The following SCAP variants were observed in gnomAD, a reference collection of about 807,000 sequenced individuals.
SCAP encodes SREBF chaperone.
In SCAP, 65 loss-of-function variants were observed where a neutral mutation model predicts 123.6. The ratio of observed to expected loss-of-function variants is 0.53; its 90% CI spans 0.43 to 0.65. The LOEUF (loss-of-function observed/expected upper bound fraction) is 0.65, where lower values mean the gene tolerates loss of function less well. Among genes scored for constraint, SCAP ranks in the 30% least tolerant of loss-of-function variants. The pLI is 0.00. For synonymous variants in SCAP, 740 were observed against 726.3 expected, an observed-to-expected ratio of 1.02 and a Z score of -0.30; for missense variants, 1,398 against 1,712.5, an observed-to-expected ratio of 0.82 and a Z score of 3.24.
intron 6 of SCAP, 132 bp from the exon 7 acceptor site, chr3:47,426,301 C>T (rs1706127656): frequency 2.3e-6 from 2 of 883,780 alleles, no homozygotes; most frequent in Non-Finnish European, 3.3e-6. Context: ...CTCTATGGTG[C>T]CTGAGCTTCT....
Position 47,415,187 on chromosome 3 carries a change from GAGA to G in SCAP, c.3057-10_3057-8del. 6.2e-7 allele frequency: 1 copy of G among 1,604,728 alleles called. No individual in the cohort carries two copies. The highest frequency in any genetic ancestry group is 8.5e-7 in the Non-Finnish European group (1 of 1,177,048). ...GAGCCGTGCAGCCACAATCCTGGAA[GAGA>G]AGAACAGCTGCCAGGGGCCTCTCCC... is the stretch of plus-strand genomic sequence containing the variant. On this transcript the variant is annotated splice_polypyrimidine_tract_variant and splice_region_variant and intron_variant, in intron 18 of 22. Transcript: ENST00000265565.
At chr3:47,421,971 T>TCAGGC (rs1414012563) in intron 10 of SCAP, among the ~76,000 whole-genome samples, 2 of 152,268 alleles carry the variant, frequency 1.3e-5, no homozygotes, top group African/African-American at 4.8e-5. Context: ...CTCCCACTGG[T>TCAGGC]CAGGCCAGGC....
intron 1 of SCAP, among the ~76,000 whole-genome samples, chr3:47,456,037 T>C (rs995699007): frequency 3.3e-5 from 5 of 152,192 alleles, no homozygotes; most frequent in African/African-American, 1.2e-4. Context: ...GAAAGATTAA[T>C]TGCGCAACAA....
chr3:47,432,080 C>T (rs1199455269), intron 3 of SCAP, among the ~76,000 whole-genome samples: 4 of 151,924 alleles, frequency 2.6e-5, no homozygotes, highest in Non-Finnish European at 5.9e-5. Flanking sequence ...TTTGGGAGGC[C>T]GAGGCGGATG....
chr3:47,456,944 T>A (rs1421511460), intron 1 of SCAP, among the ~76,000 whole-genome samples: 1 of 152,106 alleles, frequency 6.6e-6, no homozygotes, highest in African/African-American at 2.4e-5. Flanking sequence ...CCCAGCACTT[T>A]GGGAGGCTGA....
intron 8 of SCAP, chr3:47,425,206 A>T: frequency 2.5e-6 from 1 of 398,290 alleles, no homozygotes; most frequent in East Asian, 4.7e-5. Context: ...ATGTATACAC[A>T]AACATACCAA....
Position 47,414,163 on chromosome 3 carries a change from A to AT in SCAP, c.3594+16dup, listed in dbSNP as rs747973512. On this transcript the variant is annotated intron_variant, in intron 22 of 22. Transcript: ENST00000265565. ...TCCCTAAAATCCCAAGAATCCTATGATCCCCATCCCCTCTACCTGCTGAAT... is the reference window on the plus strand; with the variant it reads ...TCCCTAAAATCCCAAGAATCCTATGATTCCCCATCCCCTCTACCTGCTGAAT... 3 of 1,613,572 alleles carry AT rather than the reference A, an allele frequency of 1.9e-6. No homozygotes were observed. Among genetic ancestry groups the AT allele is most frequent in the Admixed American group, 3.3e-5 (2 of 60,010 alleles).
intron 8 of SCAP, among the ~76,000 whole-genome samples, chr3:47,424,736 G>A (rs562734628): frequency 5.9e-5 from 9 of 152,314 alleles, no homozygotes; most frequent in African/African-American, 1.9e-4. Context: ...AAAGGGAGCA[G>A]GTATCTAAGA....
At chr3:47,418,617 C>G (rs113000966) in intron 14 of SCAP, 38 bp downstream of exon 14, 2 of 1,537,818 alleles carry the variant, frequency 1.3e-6, no homozygotes, top group African/African-American at 1.4e-5. Context: ...TCCCCCTCCC[C>G]GCACTCTTTC....
chr3:47,428,234 C>T (rs935253618), intron 4 of SCAP, among the ~76,000 whole-genome samples: 6 of 152,096 alleles, frequency 3.9e-5, no homozygotes, highest in Non-Finnish European at 7.4e-5. Context: ...GGCAGGAAGC[C>T]ATGTGGGTCA....
At position 47,416,650 on chromosome 3, in the gene SCAP, G is replaced by A. The variant is rs529572140; in HGVS notation, c.3056+472C>T. On this transcript the variant is annotated intron_variant, in intron 18 of 22. Transcript: ENST00000265565. ...TTTTTTTTTTTTTTTTTTTTGAGAC[G>A]GAGTCTCGCTCTGTCGCCCAGGCTG... 3.5e-4 allele frequency among the ~76,000 whole-genome samples: 37 copies of A among 106,460 alleles called. 1 individual carries two copies. The highest frequency in any genetic ancestry group is 2.5e-3 in the East Asian group (8 of 3,224). 69.8% of individuals were successfully genotyped at this position (106,460 alleles called of 152,430 possible).
chr3:47,424,102 G>A (rs1003581291), intron 8 of SCAP, 57 bp from the exon 9 acceptor site: 3 of 1,339,376 alleles, frequency 2.2e-6, no homozygotes, highest in African/African-American at 2.9e-5. Flanking sequence ...CAACAGACTG[G>A]GGCCCTCAGG....
chr3:47,428,516 T>C lies in SCAP; in HGVS notation c.407A>G (p.Asp136Gly). Reference sequence around the variant, plus strand: ...CCAGGGTCCCTGAGAGGGGTACCTGTCTCTCAGCACGTGGTTCCGGATCTC... The same window carrying C: ...CCAGGGTCCCTGAGAGGGGTACCTGCCTCTCAGCACGTGGTTCCGGATCTC... ...VEEIRNHVLR[D>G]SSGIRSLEEL... Residue 136 changes from aspartate to glycine, a missense_variant, in exon 4 of 23, where the codon GAC becomes GGC. Transcript: ENST00000265565. 1 of 1,614,028 alleles carries C rather than the reference T, an allele frequency of 6.2e-7. No homozygotes were observed. Among genetic ancestry groups the C allele is most frequent in the South Asian group, 1.1e-5 (1 of 91,070 alleles).
chr3:47,467,874 C>A (rs1007530147), intron 1 of SCAP, among the ~76,000 whole-genome samples: 1 of 147,864 alleles, frequency 6.8e-6, no homozygotes, highest in South Asian at 2.3e-4. Context: ...ATCCCTCCCC[C>A]CTCCCCCCAT....
intron 14 of SCAP, 47 bp downstream of exon 14, chr3:47,418,607 TC>T (rs754531613): frequency 5.3e-6 from 8 of 1,513,740 alleles, no homozygotes; most frequent in Non-Finnish European, 7.1e-6. Context: ...TGCCTACCCG[TC>T]CCCCTCCCCG....
At chr3:47,444,919 C>T (rs1483700182) in intron 1 of SCAP, among the ~76,000 whole-genome samples, 10 of 151,648 alleles carry the variant, frequency 6.6e-5, no homozygotes, top group Non-Finnish European at 1.5e-4. Context: ...TTACAGGTGC[C>T]CGCCACCACA....
chr3:47,427,638 C>T lies in SCAP; in HGVS notation c.440G>A (p.Cys147Tyr). The change falls in exon 5 of 23, where the codon TGT becomes TAT. Residue 147 changes from cysteine to tyrosine, a missense_variant. Around this residue, in one of 7 missense-constraint regions of SCAP, gnomAD observed 319 missense variants for 432.4 expected, o/e 0.74. Coordinates refer to ENST00000265565, the MANE Select transcript of SCAP (RefSeq NM_012235.4). The stretch of plus-strand genomic sequence containing the variant: ...TGGCAGCAGGTCGGTCACTTGCAGA[C>T]ACAACTCCTCCAAGCTCCTGATCCC... ...SSGIRSLEEL[C>Y]LQVTDLLPGL... 6.2e-7 allele frequency: 1 copy of T among 1,614,134 alleles called. No individual in the cohort carries two copies.
Position 47,422,551 on chromosome 3 carries a change from AACAGGGC to A in SCAP, c.1151-22_1151-16del. The A allele has an allele frequency of 1.9e-6, 3 of 1,603,922 alleles. No individual in the cohort carries two copies. In the South Asian group the frequency reaches 3.3e-5, roughly 18 times the overall value. Reference sequence around the variant, plus strand: ...GCTGCTTAGGCCTGCAGAGGGCAGCAACAGGGCACAGGGCAACACATGGCCACTCTGC... The same window carrying A: ...GCTGCTTAGGCCTGCAGAGGGCAGCAACAGGGCAACACATGGCCACTCTGC... On this transcript the variant is annotated splice_polypyrimidine_tract_variant and intron_variant, in intron 9 of 22. Coordinates refer to ENST00000265565, the MANE Select transcript of SCAP (RefSeq NM_012235.4).
At chr3:47,438,533 G>C (rs1016739700) in intron 2 of SCAP, among the ~76,000 whole-genome samples, 1 of 152,134 alleles carries the variant, frequency 6.6e-6, no homozygotes, top group Non-Finnish European at 1.5e-5. Flanking sequence ...GTTAATTTAG[G>C]CTGGGCACGG....
Sources: allele counts gnomAD v4.1 joint callset (sites outside exome capture counted in the v4.1 genomes callset), GRCh38; gene constraint gnomAD v4.1.1; regional missense constraint gnomAD v4.1.1; transcripts MANE v1.5; gene names NCBI Gene and HGNC (gene_info 2026-07-23, HGNC 2026-07-21).